Variants in STMN3 observed in about 807,000 individuals in gnomAD.
STMN3 encodes stathmin-3.
Under a neutral mutation model 23.2 loss-of-function variants are expected in STMN3, and 24 were observed. That is an observed-to-expected ratio of 1.03 (90% CI 0.75 to 1.45). The LOEUF (loss-of-function observed/expected upper bound fraction) is 1.45. Among genes scored for constraint, STMN3 ranks in the 40% most tolerant of loss-of-function variants. STMN3 has a pLI of 0.00. For synonymous variants in STMN3, 117 were observed against 103.4 expected (o/e 1.13, Z -0.80); for missense variants, 235 against 237.6 (o/e 0.99, Z 0.07).
In STMN3 at chr20:63,652,280, G is replaced by C. The variant is rs2089866433; in HGVS notation, c.19+1047C>G. The C allele has an allele frequency of 6.6e-6, 1 of 152,452 alleles. No individual in the cohort carries two copies. Among genetic ancestry groups the C allele is most frequent in the South Asian group, 2.1e-4 (1 of 4,832 alleles). The allele number at this position is 152,452 out of a possible 1,614,324, so 9.4% of individuals were successfully genotyped here. ...CTCGGGAGAGGGACCGCGGCGACCT[G>C]TCCCGGGGGCGTAAGAAAAGGTGGG... On this transcript the variant is annotated intron_variant, in intron 1 of 4. Coordinates refer to ENST00000370053, the MANE Select transcript of STMN3 (RefSeq NM_015894.4). The surrounding 1 kb of genome is among the most constrained non-coding windows in gnomAD (Gnocchi z 5.3).
intron 1 of STMN3, among the ~76,000 whole-genome samples, chr20:63,647,982 A>G (rs2089830746): frequency 1.1e-5 from 1 of 88,880 alleles, no homozygotes; most frequent in Non-Finnish European, 2.1e-5. Context: ...ATATATATAC[A>G]TATATATATA....
intron 3 of STMN3, 189 bp downstream of exon 3, chr20:63,643,567 C>T: frequency 1.1e-6 from 1 of 922,308 alleles, no homozygotes; most frequent in Non-Finnish European, 1.3e-6. Context: ...AGGCGTGAGC[C>T]ACCACACCCG....
chr20:63,641,503 TC>T, intron 4 of STMN3, 106 bp from the exon 5 acceptor site: 2 of 903,122 alleles, frequency 2.2e-6, no homozygotes, highest in Non-Finnish European at 3.4e-6. Context: ...CCCGGCCTCA[TC>T]CGGGCTGGCC....
intron 1 of STMN3, among the ~76,000 whole-genome samples, chr20:63,651,149 G>A (rs977841248): frequency 6.6e-5 from 10 of 151,898 alleles, no homozygotes; most frequent in Non-Finnish European, 8.8e-5. Flanking sequence ...AGCAGAGAGG[G>A]GGGATTTCAC....
intron 4 of STMN3, 138 bp from the exon 5 acceptor site, chr20:63,641,535 G>T: frequency 1.5e-6 from 1 of 657,722 alleles, no homozygotes; most frequent in Non-Finnish European, 2.6e-6. Context: ...CCCTGACTGA[G>T]TTGAGGGGGC....
intron 1 of STMN3, among the ~76,000 whole-genome samples, chr20:63,644,673 G>A (rs1318925410): frequency 1.3e-5 from 2 of 152,214 alleles, no homozygotes; most frequent in Admixed American, 6.5e-5. Flanking sequence ...TGTTGAAATC[G>A]TAACCCCAAG....
At chr20:63,650,574 T>C (rs2089850539) in intron 1 of STMN3, among the ~76,000 whole-genome samples, 1 of 123,222 alleles carries the variant, frequency 8.1e-6, no homozygotes, top group Admixed American at 8.3e-5. Flanking sequence ...AGGTGGATGG[T>C]GCCCACTCCC....
intron 1 of STMN3, among the ~76,000 whole-genome samples, chr20:63,645,207 T>G (rs1428958170): frequency 6.6e-6 from 1 of 152,204 alleles, no homozygotes; most frequent in African/African-American, 2.4e-5. Flanking sequence ...CAAGATTTAC[T>G]CATGACGGGA....
In STMN3 at chr20:63,647,936, A is replaced by ATGTGTG. The variant is rs1555897526; in HGVS notation, c.20-3633_20-3628dup. ...TATATATTAATATATATACGTATAT[A>ATGTGTG]TGTGTGTGTGTGTATATATATATGT... On this transcript the variant is annotated intron_variant, in intron 1 of 4. Coordinates refer to ENST00000370053, the MANE Select transcript of STMN3 (RefSeq NM_015894.4). Among the ~76,000 whole-genome samples the ATGTGTG allele has an allele frequency of 2.0e-3, 160 of 80,826 alleles. 8 individuals are homozygous for ATGTGTG. The highest frequency in any genetic ancestry group is 3.1e-3 in the Non-Finnish European group (125 of 40,980). The allele number at this position is 80,826 out of a possible 152,430, so 53.0% of individuals were successfully genotyped here.
rs2089871640 is a variant in STMN3 at position 63,652,866 on chromosome 20, G to A, written c.19+461C>T. The A allele has an allele frequency of 1.1e-6, 1 of 886,106 alleles. No homozygotes were observed. The highest frequency in any genetic ancestry group is 6.2e-5 in the Admixed American group (1 of 16,140). The allele number at this position is 886,106 out of a possible 1,614,324, so 54.9% of individuals were successfully genotyped here. ...AGCCCCTGTGCTGCACTGGCGCGGGGAGCGCCGGGTTCCCGGCTGGGGCTT... is the reference window on the plus strand; with the variant it reads ...AGCCCCTGTGCTGCACTGGCGCGGGAAGCGCCGGGTTCCCGGCTGGGGCTT... On this transcript the variant is annotated intron_variant, in intron 1 of 4. Coordinates refer to ENST00000370053, the MANE Select transcript of STMN3 (RefSeq NM_015894.4). The surrounding 1 kb of genome is among the most constrained non-coding windows in gnomAD (Gnocchi z 5.3).
At chr20:63,648,458 G>A (rs536478433) in intron 1 of STMN3, among the ~76,000 whole-genome samples, 36 of 152,238 alleles carry the variant, frequency 2.4e-4, no homozygotes, top group African/African-American at 7.7e-4. Flanking sequence ...GAATGTGGCC[G>A]GGCGCAGTGG....
rs34459483 is a variant in STMN3, at chr20:63,643,569, C to A, written c.291+187G>T. On this transcript the variant is annotated intron_variant, in intron 3 of 4. Transcript: ENST00000370053. ...GTTCTGGGATTACAGGCGTGAGCCA[C>A]CACACCCGGCCTCTCCCCATCCCAT... 4.4e-3 allele frequency: 4,122 copies of A among 934,404 alleles called. 10 individuals are homozygous for A. The highest frequency in any genetic ancestry group is 5.0e-3 in the Non-Finnish European group (3,884 of 783,488). The allele number at this position is 934,404 out of a possible 1,614,324, so 57.9% of individuals were successfully genotyped here. A position where few individuals can be genotyped will look rare whatever the true frequency, so the allele number is the denominator to read the frequency against.
Position 63,641,158 on chromosome 20 carries a change from C to T in STMN3, c.*180G>A. 1.5e-6 allele frequency: 1 copy of T among 664,700 alleles called. No homozygotes were observed. Among genetic ancestry groups the T allele is most frequent in the South Asian group, 1.6e-5 (1 of 61,282 alleles). 41.2% of individuals were successfully genotyped at this position (664,700 alleles called of 1,614,324 possible). On this transcript the variant is annotated 3_prime_UTR_variant, in exon 5 of 5. Coordinates refer to ENST00000370053, the MANE Select transcript of STMN3 (RefSeq NM_015894.4). Reference sequence around the variant, plus strand: ...CGCCCGGCGGCTCCTGCAGGGGAAGCCGTGGTCAGCGACTCACCACGAGGA... The same window carrying T: ...CGCCCGGCGGCTCCTGCAGGGGAAGTCGTGGTCAGCGACTCACCACGAGGA...
Position 63,652,762 on chromosome 20 carries a change from G to C in STMN3, c.19+565C>G. On this transcript the variant is annotated intron_variant, in intron 1 of 4. Coordinates refer to ENST00000370053, the MANE Select transcript of STMN3 (RefSeq NM_015894.4). This position sits in a 1 kb window ranked among gnomAD's most constrained non-coding sequence, Gnocchi z 5.3. The stretch of plus-strand genomic sequence containing the variant: ...AAAGGGTGGTCCCCGAGGCCGCAGC[G>C]GTGTGGGGGGAGGGCGCGGTCCCCC... 2.0e-6 allele frequency: 2 copies of C among 986,102 alleles called. No individual in the cohort carries two copies. Among genetic ancestry groups the C allele is most frequent in the Non-Finnish European group, 2.4e-6 (2 of 830,512 alleles). 61.1% of individuals were successfully genotyped at this position (986,102 alleles called of 1,614,324 possible).
intron 1 of STMN3, among the ~76,000 whole-genome samples, chr20:63,650,660 CACCCGGGTGGATGGT>C (rs2089851453): frequency 7.7e-6 from 1 of 129,584 alleles, no homozygotes; most frequent in African/African-American, 3.0e-5. Context: ...ACCTGACGCC[CACCCGGGTGGATGGT>C]GCCCGCTCCC....
rs1298725902 is a variant in STMN3, at chr20:63,639,894, A to C, written c.*1444T>G. The C allele has an allele frequency of 6.6e-6, 1 of 152,158 alleles. No homozygotes were observed. Among genetic ancestry groups the C allele is most frequent in the Non-Finnish European group, 1.5e-5 (1 of 68,032 alleles). 9.4% of individuals were successfully genotyped at this position (152,158 alleles called of 1,614,324 possible). On this transcript the variant is annotated 3_prime_UTR_variant, in exon 5 of 5. Coordinates refer to ENST00000370053, the MANE Select transcript of STMN3 (RefSeq NM_015894.4). ...AGTCCCACAAAAGCCAGATGTGGAC[A>C]GCCTTGGGTTCCCATCCCAGCTGGC...
intron 1 of STMN3, among the ~76,000 whole-genome samples, chr20:63,650,665 G>A (rs1209628405): frequency 1.7e-5 from 1 of 59,324 alleles, no homozygotes; most frequent in Admixed American, 2.4e-4. Flanking sequence ...ACGCCCACCC[G>A]GGTGGATGGT....
At position 63,643,912 on chromosome 20, in the gene STMN3, C is replaced by T. The variant is rs1422176715; in HGVS notation, c.135G>A (p.Leu45=). 4 of 1,598,528 alleles carry T rather than the reference C, an allele frequency of 2.5e-6. No individual in the cohort carries two copies. Among genetic ancestry groups the T allele is most frequent in the Non-Finnish European group, 2.6e-6 (3 of 1,176,118 alleles). The part of the protein sequence containing the change: ...YQYGDMEVKQ[L]DKRASGQSFE... ...AGCTCTGGCCTGAGGCCCGCTTGTCCAGCTGCTTCACCTCCATGTCTGCAG... is the reference window on the plus strand; with the variant it reads ...AGCTCTGGCCTGAGGCCCGCTTGTCTAGCTGCTTCACCTCCATGTCTGCAG... Residue 45 remains leucine (L), a synonymous_variant, in exon 3 of 5, where the codon CTG becomes CTA. Coordinates refer to ENST00000370053, the MANE Select transcript of STMN3 (RefSeq NM_015894.4).
intron 1 of STMN3, among the ~76,000 whole-genome samples, chr20:63,649,602 C>CTCACGGCAAGCTCCGCCTCCCGGAT: frequency 6.6e-6 from 1 of 152,224 alleles, no homozygotes; most frequent in Middle Eastern, 3.4e-3. Context: ...ACAATCTCGG[C>CTCACGGCAAGCTCCGCCTCCCGGAT]TCACGGCAAG....
Sources: gnomAD v4.1 joint callset for allele counts (sites outside exome capture counted in the v4.1 genomes callset) on GRCh38, gnomAD v4.1.1 for gene constraint, Gnocchi (gnomAD v3.1) non-coding constraint, MANE v1.5 for transcripts, NCBI Gene and HGNC (gene_info 2026-07-23, HGNC 2026-07-21) for gene names.